Variants in MECOM observed in about 807,000 individuals in gnomAD.
MECOM encodes histone-lysine N-methyltransferase MECOM.
MECOM carries 13 observed loss-of-function variants against 116.3 expected under a neutral mutation model. The observed-to-expected ratio is 0.11, with a 90% confidence interval of 0.07 to 0.18. The LOEUF (loss-of-function observed/expected upper bound fraction) is 0.18. Among genes scored for constraint, MECOM ranks in the 10% least tolerant of loss-of-function variants. The probability of loss-of-function intolerance (pLI) is 1.00; values close to 1 mark genes in which losing one functional copy is unlikely to be tolerated. For synonymous variants in MECOM, 528 were observed against 535.2 expected (o/e 0.99, Z 0.19); for missense variants, 1,299 against 1,509.0 (o/e 0.86, Z 2.31).
At chr3:169,418,743 A>C (rs778146991) in intron 1 of MECOM, among the ~76,000 whole-genome samples, 17 of 152,212 alleles carry the variant, frequency 1.1e-4, no homozygotes, top group Admixed American at 3.9e-4. Flanking sequence ...GATGGAACAT[A>C]TGTCAAAATA....
chr3:169,560,562 CAG>C (rs1190976987), intron 1 of MECOM, among the ~76,000 whole-genome samples: 1 of 152,012 alleles, frequency 6.6e-6, no homozygotes, highest in Non-Finnish European at 1.5e-5. Flanking sequence ...ACATTTTAGA[CAG>C]AAAGTATTTC....
chr3:169,153,688 G>A (rs1741515635), intron 2 of MECOM, among the ~76,000 whole-genome samples: 1 of 152,152 alleles, frequency 6.6e-6, no homozygotes, highest in Admixed American at 6.6e-5. Context: ...TTTGTTGGAA[G>A]CTTGATTTTC....
intron 1 of MECOM, among the ~76,000 whole-genome samples, chr3:169,460,262 T>C (rs1369979216): frequency 6.6e-6 from 1 of 152,046 alleles, no homozygotes; most frequent in Non-Finnish European, 1.5e-5. Context: ...AGCAAACAAA[T>C]AGTGAATGGG....
At chr3:169,523,006 G>A (rs1238398320) in intron 1 of MECOM, among the ~76,000 whole-genome samples, 2 of 152,186 alleles carry the variant, frequency 1.3e-5, no homozygotes, top group African/African-American at 4.8e-5. Flanking sequence ...GTCAGGAGAC[G>A]AGTATGACAT....
chr3:169,349,413 G>A (rs760114083), intron 2 of MECOM, among the ~76,000 whole-genome samples: 18 of 151,908 alleles, frequency 1.2e-4, no homozygotes, highest in South Asian at 1.0e-3. Flanking sequence ...TCACGCTCTA[G>A]TGGGGGGCCC....
At chr3:169,354,847 C>T (rs1246421268) in intron 2 of MECOM, among the ~76,000 whole-genome samples, 2 of 151,794 alleles carry the variant, frequency 1.3e-5, no homozygotes, top group African/African-American at 2.4e-5. Flanking sequence ...CCCCAGGAGA[C>T]ACACAATTAC....
chr3:169,607,416 T>C (rs912630625), intron 1 of MECOM, among the ~76,000 whole-genome samples: 5 of 152,228 alleles, frequency 3.3e-5, no homozygotes, highest in African/African-American at 1.2e-4. Context: ...CAGAAACTCC[T>C]TTTTAGAAAA....
intron 2 of MECOM, among the ~76,000 whole-genome samples, chr3:169,283,657 A>G (rs959682681): frequency 4.6e-5 from 7 of 152,092 alleles, no homozygotes; most frequent in Admixed American, 4.6e-4. Flanking sequence ...CAATACATCA[A>G]TTTTACTCTA....
chr3:169,613,451 A>G (rs1010604744), intron 1 of MECOM: 4 of 152,130 alleles, frequency 2.6e-5, no homozygotes, highest in Admixed American at 6.5e-5. Flanking sequence ...CTTTTTTCCA[A>G]TAGGTAATTG....
At chr3:169,296,211 C>A (rs1715569896) in intron 2 of MECOM, among the ~76,000 whole-genome samples, 1 of 152,184 alleles carries the variant, frequency 6.6e-6, no homozygotes, top group African/African-American at 2.4e-5. Flanking sequence ...ACTCCTAAGT[C>A]ATTGCCCTCT....
intron 2 of MECOM, among the ~76,000 whole-genome samples, chr3:169,297,306 T>C (rs775542801): frequency 6.6e-6 from 1 of 152,354 alleles, no homozygotes; most frequent in Non-Finnish European, 1.5e-5. Flanking sequence ...TTATTGCCTA[T>C]CTGAGATCAC....
intron 2 of MECOM, among the ~76,000 whole-genome samples, chr3:169,377,291 C>T (rs903133059): frequency 1.3e-5 from 2 of 152,048 alleles, no homozygotes; most frequent in African/African-American, 4.8e-5. Flanking sequence ...ACTAAAGCAC[C>T]AAAAGCAATG....
chr3:169,440,683 T>A (rs1743491307), intron 1 of MECOM, among the ~76,000 whole-genome samples: 1 of 152,200 alleles, frequency 6.6e-6, no homozygotes, highest in African/African-American at 2.4e-5. Flanking sequence ...CTGTTATCAT[T>A]GCTTATCTTT....
intron 2 of MECOM, among the ~76,000 whole-genome samples, chr3:169,212,610 A>G (rs1750870444): frequency 7.2e-6 from 1 of 138,592 alleles, no homozygotes; most frequent in African/African-American, 2.7e-5. Context: ...CTATTATAAC[A>G]TAGTCTTGGT....
intron 1 of MECOM, among the ~76,000 whole-genome samples, chr3:169,478,919 CT>C (rs1750873706): frequency 6.6e-6 from 1 of 152,174 alleles, no homozygotes; most frequent in Non-Finnish European, 1.5e-5. Flanking sequence ...ACTCCACAAT[CT>C]TGTAATGCTA....
chr3:169,226,354 T>C (rs1293752206), intron 2 of MECOM, among the ~76,000 whole-genome samples: 1 of 152,232 alleles, frequency 6.6e-6, no homozygotes, highest in Non-Finnish European at 1.5e-5. Context: ...TAAGTTTTTC[T>C]AACTATTATA....
intron 2 of MECOM, among the ~76,000 whole-genome samples, chr3:169,231,535 G>A (rs868203484): frequency 1.3e-5 from 2 of 152,216 alleles, no homozygotes; most frequent in Middle Eastern, 3.4e-3. Flanking sequence ...ACTTCAGACA[G>A]CTATAGTCAG....
intron 2 of MECOM, among the ~76,000 whole-genome samples, chr3:169,377,702 G>A (rs1234619270): frequency 6.6e-6 from 1 of 152,158 alleles, no homozygotes; most frequent in Non-Finnish European, 1.5e-5. Flanking sequence ...GGACAAATAG[G>A]AATGATTTTA....
intron 2 of MECOM, among the ~76,000 whole-genome samples, chr3:169,356,702 T>C (rs922400785): frequency 1.3e-5 from 2 of 151,896 alleles, no homozygotes; most frequent in Non-Finnish European, 2.9e-5. Context: ...GCAAGCAAGG[T>C]AGTGGACGTC....
Sources: gnomAD v4.1 joint callset for allele counts (sites outside exome capture counted in the v4.1 genomes callset) on GRCh38, gnomAD v4.1.1 for gene constraint, MANE v1.5 for transcripts, NCBI Gene and HGNC (gene_info 2026-07-23, HGNC 2026-07-21) for gene names.